RNF144A: variants seen among roughly 807,000 people sequenced by gnomAD.
The protein encoded by RNF144A is E3 ubiquitin-protein ligase RNF144A.
RNF144A carries 11 observed loss-of-function variants against 38.7 expected under a neutral mutation model. The observed-to-expected ratio is 0.28, with a 90% CI of 0.18 to 0.47. The LOEUF is 0.47. Ranked by LOEUF, RNF144A falls within the 20% of genes least tolerant of loss-of-function variation. RNF144A has a pLI of 0.99. For synonymous variants in RNF144A, 149 were observed against 143.9 expected, an observed-to-expected ratio of 1.04 and a Z score of -0.25; for missense variants, 316 against 377.2, an observed-to-expected ratio of 0.84 and a Z score of 1.34.
intron 2 of RNF144A, among the ~76,000 whole-genome samples, chr2:6,966,797 C>G (rs113420758): frequency 2.0e-5 from 3 of 152,290 alleles, no homozygotes; most frequent in Non-Finnish European, 4.4e-5. Context: ...GTCAGGGCAG[C>G]AGCACAAGCT....
At chr2:6,935,361 A>T (rs766062403) in intron 1 of RNF144A, among the ~76,000 whole-genome samples, 5 of 152,294 alleles carry the variant, frequency 3.3e-5, no homozygotes, top group Admixed American at 2.6e-4. Context: ...CTGGACATCT[A>T]GCATCCCATT....
intron 8 of RNF144A, among the ~76,000 whole-genome samples, chr2:7,033,910 C>A (rs1357792546): frequency 2.0e-5 from 3 of 152,220 alleles, no homozygotes; most frequent in Non-Finnish European, 4.4e-5. Context: ...TGTTGACTCG[C>A]AGCCCTCTCC....
At chr2:6,966,082 C>G (rs771322) in intron 2 of RNF144A, among the ~76,000 whole-genome samples, 86,294 of 152,072 alleles carry the variant, frequency 0.57, 24,951 homozygotes, top group Admixed American at 0.65. Context: ...ATATATTTCA[C>G]AGTAAGAAGA....
chr2:7,012,920 A>T (rs1359281910), intron 3 of RNF144A, among the ~76,000 whole-genome samples: 1 of 152,238 alleles, frequency 6.6e-6, no homozygotes, highest in Non-Finnish European at 1.5e-5. Flanking sequence ...ATCAGAGCCC[A>T]GGCAGATCAA....
chr2:7,017,103 G>C (rs1439437645), intron 5 of RNF144A, among the ~76,000 whole-genome samples: 1 of 152,048 alleles, frequency 6.6e-6, no homozygotes, highest in Non-Finnish European at 1.5e-5. Flanking sequence ...TTGCTGCGTG[G>C]ACCCCTCTCT....
chr2:6,918,031 G>C (rs910477157), intron 1 of RNF144A, among the ~76,000 whole-genome samples: 4 of 151,932 alleles, frequency 2.6e-5, no homozygotes, highest in African/African-American at 9.7e-5. Flanking sequence ...CTGGCGGCGG[G>C]GGCTTTCAAG....
chr2:7,008,999 C>G (rs548950249), intron 3 of RNF144A, among the ~76,000 whole-genome samples: 43 of 152,226 alleles, frequency 2.8e-4, no homozygotes, highest in South Asian at 6.2e-4. Context: ...CACATCTTCA[C>G]TGAGCATCTA....
At position 6,924,244 on chromosome 2, in the gene RNF144A, C is replaced by T. The variant is rs1440652164; in HGVS notation, c.-212+6622C>T. ...ATCCTGGGTACCGTGGTTGTGTAGA[C>T]ACCATGTAAGTGAGATCCAGAGTAA... On this transcript the variant is annotated intron_variant, in intron 1 of 8. Coordinates refer to ENST00000320892, the MANE Select transcript of RNF144A (RefSeq NM_014746.6). Among the ~76,000 whole-genome samples the T allele has an allele frequency of 2.6e-5, 4 of 152,192 alleles. 1 individual carries two copies. The highest frequency in any genetic ancestry group is 2.6e-4 in the Admixed American group (4 of 15,286).
At chr2:7,068,077 G>A (rs1309673080) in intron 6 of RNF144A, 3 of 415,286 alleles carry the variant, frequency 7.2e-6, no homozygotes, top group East Asian at 1.4e-4. Context: ...GCTGTGCTCC[G>A]AGTTGGGCTC....
chr2:6,952,044 A>G (rs964137343), intron 2 of RNF144A, among the ~76,000 whole-genome samples: 3 of 152,142 alleles, frequency 2.0e-5, no homozygotes, highest in Non-Finnish European at 4.4e-5. Context: ...ATTTTTCTAA[A>G]TGTCATTAGG....
intron 2 of RNF144A, among the ~76,000 whole-genome samples, chr2:6,970,153 G>T (rs551133304): frequency 1.3e-5 from 2 of 152,248 alleles, no homozygotes; most frequent in African/African-American, 4.8e-5. Flanking sequence ...GTCCTGATAT[G>T]GTTTGGCTTT....
At position 7,041,092 on chromosome 2, in the gene RNF144A, A is replaced by T; in HGVS notation, c.*1332A>T. The T allele has an allele frequency of 1.0e-6, 1 of 982,532 alleles. No homozygotes were observed. Among genetic ancestry groups the T allele is most frequent in the Non-Finnish European group, 1.2e-6 (1 of 827,290 alleles). The allele number at this position is 982,532 out of a possible 1,614,324, so 60.9% of individuals were successfully genotyped here. A position where few individuals can be genotyped will look rare whatever the true frequency, so the allele number is the denominator to read the frequency against. ...AGCCACAGGTGCTTTTACAAAGCAA[A>T]CTGCATTGAATTTAAAACTTCTAAA... On this transcript the variant is annotated 3_prime_UTR_variant, in exon 9 of 9. Coordinates refer to ENST00000320892, the MANE Select transcript of RNF144A (RefSeq NM_014746.6).
chr2:6,938,250 C>CCCTT (rs1558364934), intron 1 of RNF144A, among the ~76,000 whole-genome samples: 41 of 114,460 alleles, frequency 3.6e-4, no homozygotes, highest in South Asian at 6.5e-4. Flanking sequence ...CCTCCCCTCC[C>CCCTT]TTTTTTTTTT....
intron 2 of RNF144A, among the ~76,000 whole-genome samples, chr2:6,964,757 G>A (rs538579545): frequency 6.6e-6 from 1 of 151,910 alleles, no homozygotes; most frequent in East Asian, 1.9e-4. Context: ...ACTCATAGGT[G>A]GGAATTGAAA....
At chr2:6,947,172 T>C (rs1242925881) in intron 2 of RNF144A, among the ~76,000 whole-genome samples, 3 of 152,116 alleles carry the variant, frequency 2.0e-5, no homozygotes, top group African/African-American at 7.2e-5. Flanking sequence ...TATTTATCCA[T>C]AGATATACAA....
Position 7,039,836 on chromosome 2 carries a change from T to G in RNF144A, c.*76T>G. The G allele has an allele frequency of 6.6e-7, 1 of 1,526,590 alleles. No individual in the cohort carries two copies. Among genetic ancestry groups the G allele is most frequent in the South Asian group, 1.2e-5 (1 of 83,960 alleles). The allele number at this position is 1,526,590 out of a possible 1,614,324, so 94.6% of individuals were successfully genotyped here. On this transcript the variant is annotated 3_prime_UTR_variant, in exon 9 of 9. Coordinates refer to ENST00000320892, the MANE Select transcript of RNF144A (RefSeq NM_014746.6). ...CCCCAACCCTCCCCACCGTCCCCCCTTCACTAAACATCTTTCTTGCCTTAT... is the reference window on the plus strand; with the variant it reads ...CCCCAACCCTCCCCACCGTCCCCCCGTCACTAAACATCTTTCTTGCCTTAT...
Position 7,042,725 on chromosome 2 carries a change from T to C in RNF144A, c.*2965T>C. The C allele has an allele frequency of 6.1e-6, 6 of 985,536 alleles. No homozygotes were observed. Among genetic ancestry groups the C allele is most frequent in the Non-Finnish European group, 7.2e-6 (6 of 829,968 alleles). 61.0% of individuals were successfully genotyped at this position (985,536 alleles called of 1,614,324 possible). On this transcript the variant is annotated 3_prime_UTR_variant, in exon 9 of 9. Coordinates refer to ENST00000320892, the MANE Select transcript of RNF144A (RefSeq NM_014746.6). Reference sequence around the variant, plus strand: ...CTTGCAAAGATGCAGTCACCATAGATGTCCACGTAGCAGAGACTGACTTAG... The same window carrying C: ...CTTGCAAAGATGCAGTCACCATAGACGTCCACGTAGCAGAGACTGACTTAG...
chr2:7,020,371 G>A, intron 5 of RNF144A, 102 bp from the exon 6 acceptor site: 1 of 1,008,514 alleles, frequency 9.9e-7, no homozygotes, highest in East Asian at 2.5e-5. Context: ...GTATTACCTG[G>A]ACATGTTCCT....
intron 1 of RNF144A, among the ~76,000 whole-genome samples, chr2:6,927,570 C>T (rs1664955824): frequency 1.3e-5 from 2 of 152,190 alleles, no homozygotes; most frequent in Admixed American, 6.5e-5. Context: ...AGAATGCAGA[C>T]AGGTGGAGGG....
Sources: gnomAD v4.1 joint callset for allele counts (sites outside exome capture counted in the v4.1 genomes callset) on GRCh38, gnomAD v4.1.1 for gene constraint, MANE v1.5 for transcripts, NCBI Gene and HGNC (gene_info 2026-07-23, HGNC 2026-07-21) for gene names.